ADARB2: variants seen among roughly 807,000 people sequenced by gnomAD.
The protein encoded by ADARB2 is inactive double-stranded RNA-specific editase B2.
Under a neutral mutation model 62.2 loss-of-function variants are expected in ADARB2, and 25 were observed. The ratio of observed to expected loss-of-function variants is 0.40; its 90% CI spans 0.29 to 0.56. The LOEUF (loss-of-function observed/expected upper bound fraction) is 0.56. ADARB2 is among the 20% of genes least tolerant of loss of function. ADARB2 has a pLI of 0.43. For synonymous variants in ADARB2, 572 were observed against 500.8 expected (o/e 1.14, Z -1.90); for missense variants, 1,071 against 1,077.4 (o/e 0.99, Z 0.08).
At chr10:1,327,985 G>A (rs991391946) in intron 3 of ADARB2, among the ~76,000 whole-genome samples, 3 of 113,326 alleles carry the variant, frequency 2.6e-5, no homozygotes, top group Non-Finnish European at 4.0e-5. Flanking sequence ...TCCTCACAGC[G>A]CCTCCCCACA....
At chr10:1,694,372 ATCTCT>A (rs1297281177) in intron 1 of ADARB2, among the ~76,000 whole-genome samples, 1 of 152,246 alleles carries the variant, frequency 6.6e-6, no homozygotes. Flanking sequence ...GTAGAAGACA[ATCTCT>A]TCTGAGGGTC....
intron 4 of ADARB2, among the ~76,000 whole-genome samples, chr10:1,253,731 C>G (rs1831055682): frequency 6.6e-6 from 1 of 152,148 alleles, no homozygotes; most frequent in Non-Finnish European, 1.5e-5. Flanking sequence ...GACATCAAAG[C>G]CAGTGTTAAG....
rs555746514 is a variant in ADARB2 at position 1,590,468 on chromosome 10, AAC to A, written c.100+146581_100+146582del. Among the ~76,000 whole-genome samples, 130 of 152,308 alleles carry A rather than the reference AAC, an allele frequency of 8.5e-4. 1 individual carries two copies. The highest frequency in any genetic ancestry group is 3.1e-3 in the African/African-American group (127 of 41,558). ...CCACATGGTTAAATAAAAAGTGGAAAACACATAAAAATAAGGCAGCAGTTCCC... is the reference window on the plus strand; with the variant it reads ...CCACATGGTTAAATAAAAAGTGGAAAACATAAAAATAAGGCAGCAGTTCCC... On this transcript the variant is annotated intron_variant, in intron 1 of 9. Coordinates refer to ENST00000381312, the MANE Select transcript of ADARB2 (RefSeq NM_018702.4).
chr10:1,409,501 A>G (rs1487853475), intron 1 of ADARB2, among the ~76,000 whole-genome samples: 3 of 148,590 alleles, frequency 2.0e-5, no homozygotes, highest in Admixed American at 1.3e-4. Context: ...AAGGATTCTC[A>G]GTGGTGCCGA....
At chr10:1,380,616 T>C (rs1832474563) in intron 1 of ADARB2, among the ~76,000 whole-genome samples, 1 of 152,202 alleles carries the variant, frequency 6.6e-6, no homozygotes, top group African/African-American at 2.4e-5. Flanking sequence ...TCCAGGAGAG[T>C]TCCCATTGAA....
chr10:1,267,298 A>C (rs1038777251), intron 4 of ADARB2, among the ~76,000 whole-genome samples: 1 of 152,254 alleles, frequency 6.6e-6, no homozygotes, highest in African/African-American at 2.4e-5. Context: ...CCCCCTGGGA[A>C]TCTATTGAGA....
Position 1,362,853 on chromosome 10 carries a change from G to GCACCTGTTCTCCCAT in ADARB2, c.1077+160_1077+174dup, listed in dbSNP as rs530412306. 1.6e-3 allele frequency among the ~76,000 whole-genome samples: 249 copies of GCACCTGTTCTCCCAT among 152,318 alleles called. 1 individual carries two copies. Among genetic ancestry groups the GCACCTGTTCTCCCAT allele is most frequent in the African/African-American group, 5.9e-3 (244 of 41,568 alleles). ...ATTGTCACCCTCAAAACCGCCGGCA[G>GCACCTGTTCTCCCAT]CACCTGTTCTCCCATCAATCACCTC... On this transcript the variant is annotated intron_variant, in intron 3 of 9. Transcript: ENST00000381312.
intron 1 of ADARB2, among the ~76,000 whole-genome samples, chr10:1,403,364 C>T (rs961521995): frequency 2.6e-5 from 4 of 152,136 alleles, no homozygotes; most frequent in African/African-American, 7.2e-5. Context: ...ATTGCGGGGG[C>T]CCTATCTGGG....
At chr10:1,369,485 G>T (rs145957439) in intron 2 of ADARB2, among the ~76,000 whole-genome samples, 1 of 152,230 alleles carries the variant, frequency 6.6e-6, no homozygotes, top group African/African-American at 2.4e-5. Flanking sequence ...TTCTCTGTGC[G>T]CCCCAAGTCT....
At chr10:1,254,191 G>A (rs967962169) in intron 4 of ADARB2, among the ~76,000 whole-genome samples, 1 of 145,024 alleles carries the variant, frequency 6.9e-6, no homozygotes, top group Non-Finnish European at 1.5e-5. Context: ...CTGTGGTTAG[G>A]ATGTGGTGGG....
At chr10:1,200,224 C>G (rs755225670) in intron 7 of ADARB2, 77 bp from the exon 8 acceptor site, 3 of 1,540,218 alleles carry the variant, frequency 1.9e-6, no homozygotes, top group Non-Finnish European at 2.6e-6. Context: ...CGTCTGCGGC[C>G]TGGTCCTGAG....
At chr10:1,274,984 AG>A (rs1404372436) in intron 3 of ADARB2, among the ~76,000 whole-genome samples, 1 of 152,104 alleles carries the variant, frequency 6.6e-6, no homozygotes, top group African/African-American at 2.4e-5. Context: ...TGGCCCTTGG[AG>A]GGGGGCCCGT....
intron 1 of ADARB2, among the ~76,000 whole-genome samples, chr10:1,616,682 A>C (rs1326665938): frequency 7.0e-6 from 1 of 143,842 alleles, no homozygotes; most frequent in Admixed American, 6.9e-5. Flanking sequence ...TGAGCTCTGC[A>C]TCCTGGGAAC....
At chr10:1,265,747 G>A (rs1383154883) in intron 4 of ADARB2, among the ~76,000 whole-genome samples, 1 of 142,616 alleles carries the variant, frequency 7.0e-6, no homozygotes, top group Admixed American at 6.9e-5. Flanking sequence ...CGGCCTGAGA[G>A]GGGGGCCCAG....
intron 1 of ADARB2, among the ~76,000 whole-genome samples, chr10:1,512,684 C>T (rs1831951164): frequency 6.6e-6 from 1 of 152,236 alleles, no homozygotes; most frequent in South Asian, 2.1e-4. Flanking sequence ...CATTGCCAGA[C>T]AACACCTTCT....
intron 1 of ADARB2, among the ~76,000 whole-genome samples, chr10:1,389,058 A>G (rs1291222842): frequency 6.6e-6 from 1 of 152,246 alleles, no homozygotes; most frequent in Non-Finnish European, 1.5e-5. Context: ...AAGTCTTTTT[A>G]ATAAATAGTT....
intron 1 of ADARB2, chr10:1,678,161 G>T: frequency 1.0e-6 from 1 of 985,314 alleles, no homozygotes; most frequent in Non-Finnish European, 1.2e-6. Context: ...CTGAGGGGTC[G>T]GTCACCCAGC....
In ADARB2 at chr10:1,436,110, C is replaced by A. The variant is rs192325631; in HGVS notation, c.101-56950G>T. Among the ~76,000 whole-genome samples, 248 of 152,148 alleles carry A rather than the reference C, an allele frequency of 1.6e-3. 1 individual carries two copies. Among genetic ancestry groups the A allele is most frequent in the South Asian group, 0.011 (54 of 4,800 alleles). On this transcript the variant is annotated intron_variant, in intron 1 of 9. Coordinates refer to ENST00000381312, the MANE Select transcript of ADARB2 (RefSeq NM_018702.4). ...CATTTTGTAATGGAAGTGGCTCTTG[C>A]GAGGCTGTGTGTGTGTGTACGTGAT... is the stretch of plus-strand genomic sequence containing the variant.
At chr10:1,435,597 G>A (rs2131892130) in intron 1 of ADARB2, among the ~76,000 whole-genome samples, 1 of 148,688 alleles carries the variant, frequency 6.7e-6, no homozygotes, top group Admixed American at 6.6e-5. Flanking sequence ...CCAAACTGTG[G>A]CCGCCCTGCC....
Sources: gnomAD v4.1 joint callset for allele counts (sites outside exome capture counted in the v4.1 genomes callset) on GRCh38, gnomAD v4.1.1 for gene constraint, MANE v1.5 for transcripts, NCBI Gene and HGNC (gene_info 2026-07-23, HGNC 2026-07-21) for gene names.